Variants in PTPRD observed in about 807,000 individuals in gnomAD.
PTPRD encodes the protein protein tyrosine phosphatase receptor type D, also known as receptor-type tyrosine-protein phosphatase delta.
Under a neutral mutation model 214.5 loss-of-function variants are expected in PTPRD, and 34 were observed. The observed-to-expected ratio is 0.16, with a 90% CI of 0.12 to 0.21. PTPRD has a LOEUF of 0.21. PTPRD is among the 10% of genes least tolerant of loss of function. The pLI, the probability that PTPRD is intolerant of heterozygous loss-of-function variation, is 1.00. For missense variants in PTPRD, 2,545 were observed against 2,398.7 expected, an observed-to-expected ratio of 1.06 and a Z score of -1.27; for synonymous variants, 1,128 against 845.7, an observed-to-expected ratio of 1.33 and a Z score of -5.79.
At chr9:10,231,989 A>AGAGAGAGAGAGAGAGTGTGTGT (rs1245284728) in intron 3 of PTPRD, among the ~76,000 whole-genome samples, 101 of 92,484 alleles carry the variant, frequency 1.1e-3, no homozygotes, top group Middle Eastern at 5.9e-3. Context: ...AGAGAGAGAG[A>AGAGAGAGAGAGAGAGTGTGTGT]GTGTGTGTGT....
intron 10 of PTPRD, among the ~76,000 whole-genome samples, chr9:9,052,005 A>T (rs1569509726): frequency 1.3e-5 from 2 of 152,340 alleles, no homozygotes; most frequent in East Asian, 3.9e-4. Flanking sequence ...TATAACAAAA[A>T]TACCATAGAC....
At chr9:9,751,449 C>G (rs1406467768) in intron 6 of PTPRD, among the ~76,000 whole-genome samples, 1 of 151,960 alleles carries the variant, frequency 6.6e-6, no homozygotes, top group Non-Finnish European at 1.5e-5. Context: ...TAATGACTAC[C>G]TTTTATAAAT....
At chr9:9,838,002 A>G (rs1446551137) in intron 5 of PTPRD, among the ~76,000 whole-genome samples, 1 of 152,006 alleles carries the variant, frequency 6.6e-6, no homozygotes, top group Non-Finnish European at 1.5e-5. Context: ...CCCACCAATG[A>G]GTGAGAACAC....
At chr9:9,318,580 A>T (rs1279605253) in intron 9 of PTPRD, among the ~76,000 whole-genome samples, 2 of 152,144 alleles carry the variant, frequency 1.3e-5, no homozygotes, top group Non-Finnish European at 2.9e-5. Flanking sequence ...CTAGATTTTA[A>T]TTTTTTCTGC....
chr9:9,799,506 T>C (rs2099024834), intron 5 of PTPRD: 1 of 152,216 alleles, frequency 6.6e-6, no homozygotes, highest in Non-Finnish European at 1.5e-5. Context: ...TAAGCCTTGC[T>C]TTTGAAAGAA....
At chr9:9,062,640 T>C (rs1317706976) in intron 10 of PTPRD, among the ~76,000 whole-genome samples, 1 of 152,198 alleles carries the variant, frequency 6.6e-6, no homozygotes, top group African/African-American at 2.4e-5. Flanking sequence ...AAAATTTAGC[T>C]GATTAAGCAG....
At chr9:9,038,244 T>A (rs905193350) in intron 10 of PTPRD, among the ~76,000 whole-genome samples, 5 of 152,146 alleles carry the variant, frequency 3.3e-5, no homozygotes, top group Non-Finnish European at 5.9e-5. Context: ...AATGTATGTT[T>A]GATAGCACGT....
At chr9:9,718,186 T>G (rs2154430539) in intron 7 of PTPRD, among the ~76,000 whole-genome samples, 1 of 152,304 alleles carries the variant, frequency 6.6e-6, no homozygotes, top group South Asian at 2.1e-4. Context: ...TTAAAGAAAG[T>G]ACATGAAAAT....
At position 8,321,487 on chromosome 9, in the gene PTPRD, G is replaced by GTATATATATATATA. The variant is rs750825729; in HGVS notation, c.5535-1535_5535-1522dup. Among the ~76,000 whole-genome samples the GTATATATATATATA allele has an allele frequency of 4.5e-3, 202 of 44,448 alleles. 4 individuals are homozygous for GTATATATATATATA. The highest frequency in any genetic ancestry group is 0.019 in the Middle Eastern group (1 of 54). 29.2% of individuals were successfully genotyped at this position (44,448 alleles called of 152,430 possible). On this transcript the variant is annotated intron_variant, in intron 44 of 45. Transcript: ENST00000381196. Reference sequence around the variant, plus strand: ...TGTGTGTGTGTGTGTGTGTGTGTGTGTATATATATATATATATATATATAT... The same window carrying GTATATATATATATA: ...TGTGTGTGTGTGTGTGTGTGTGTGTGTATATATATATATATATATATATATATATATATATATAT...
chr9:9,477,361 G>T (rs1218474124), intron 8 of PTPRD, among the ~76,000 whole-genome samples: 5 of 152,120 alleles, frequency 3.3e-5, no homozygotes, highest in African/African-American at 9.7e-5. Context: ...TCATAAGTGG[G>T]ATTCCTTTTC....
chr9:8,648,986 T>C (rs981540468), intron 12 of PTPRD, among the ~76,000 whole-genome samples: 1 of 152,224 alleles, frequency 6.6e-6, no homozygotes, highest in Non-Finnish European at 1.5e-5. Flanking sequence ...CTGCTTATCA[T>C]GTACCTGCAA....
At chr9:8,602,639 C>T (rs1415725) in intron 14 of PTPRD, among the ~76,000 whole-genome samples, 152,253 of 152,348 alleles carry the variant, frequency 1, 76,079 homozygotes, top group Middle Eastern at 1. Context: ...GTCTCATGTG[C>T]TCAGACACTA....
chr9:10,464,749 C>A (rs1453882636), intron 2 of PTPRD, among the ~76,000 whole-genome samples: 1 of 151,336 alleles, frequency 6.6e-6, no homozygotes, highest in East Asian at 1.9e-4. Context: ...CTCATGTAAC[C>A]CAGAGATAAA....
intron 35 of PTPRD, among the ~76,000 whole-genome samples, chr9:8,431,962 C>CT (rs1359893093): frequency 1.3e-5 from 2 of 152,116 alleles, no homozygotes; most frequent in Non-Finnish European, 2.9e-5. Flanking sequence ...TGGTCCTGGG[C>CT]TTTTTTTGGT....
intron 8 of PTPRD, among the ~76,000 whole-genome samples, chr9:9,520,159 G>T (rs1236962021): frequency 1.5e-5 from 2 of 136,856 alleles, no homozygotes; most frequent in African/African-American, 2.5e-5. Flanking sequence ...TTTATGACAG[G>T]GTTTCTGTTG....
At chr9:9,936,679 G>T (rs1374034190) in intron 5 of PTPRD, among the ~76,000 whole-genome samples, 1 of 132,308 alleles carries the variant, frequency 7.6e-6, no homozygotes, top group Admixed American at 7.9e-5. Context: ...ATTCCTCAGG[G>T]ATCTAGAACT....
rs189699040 is a variant in PTPRD at position 8,409,824 on chromosome 9, A to C, written c.4087-5164T>G. Among the ~76,000 whole-genome samples the C allele has an allele frequency of 3.4e-3, 523 of 152,352 alleles. 4 individuals carry two copies. The highest frequency in any genetic ancestry group is 5.7e-3 in the Non-Finnish European group (386 of 68,038). On this transcript the variant is annotated intron_variant, in intron 35 of 45. Transcript: ENST00000381196. ...TTGTGTGTTTTTAAAACAACTAACAAAAATTTAATTATATAGAAGGAATAG... is the reference window on the plus strand; with the variant it reads ...TTGTGTGTTTTTAAAACAACTAACACAAATTTAATTATATAGAAGGAATAG...
chr9:10,312,215 C>A (rs1354842134), intron 3 of PTPRD, among the ~76,000 whole-genome samples: 1 of 151,960 alleles, frequency 6.6e-6, no homozygotes, highest in East Asian at 1.9e-4. Context: ...TCATTACATA[C>A]TCCAGTGCCA....
intron 32 of PTPRD, among the ~76,000 whole-genome samples, chr9:8,462,529 A>G (rs1294346962): frequency 6.6e-6 from 1 of 152,046 alleles, no homozygotes; most frequent in Non-Finnish European, 1.5e-5. Flanking sequence ...CCACAATTTT[A>G]CTTTAAACTT....
Sources: allele counts gnomAD v4.1 joint callset (sites outside exome capture counted in the v4.1 genomes callset), GRCh38; gene constraint gnomAD v4.1.1; transcripts MANE v1.5; gene names NCBI Gene and HGNC (gene_info 2026-07-23, HGNC 2026-07-21).